CLNK: variants seen among roughly 807,000 people sequenced by gnomAD.
The protein encoded by CLNK is cytokine-dependent hematopoietic cell linker.
CLNK carries 74 observed loss-of-function variants against 68.6 expected under a neutral mutation model. That is an observed-to-expected ratio of 1.08 (90% confidence interval 0.89 to 1.31). The LOEUF (loss-of-function observed/expected upper bound fraction) is 1.31. Ranked by LOEUF, CLNK falls within the 50% of genes most tolerant of loss-of-function variation. The pLI, the probability that CLNK is intolerant of heterozygous loss-of-function variation, is 0.00. For synonymous variants in CLNK, 198 were observed against 172.2 expected (o/e 1.15, Z -1.17); for missense variants, 553 against 515.3 (o/e 1.07, Z -0.71).
At chr4:10,623,369 C>A (rs1411707726) in intron 2 of CLNK, among the ~76,000 whole-genome samples, 2 of 152,190 alleles carry the variant, frequency 1.3e-5, no homozygotes, top group African/African-American at 4.8e-5. Context: ...TCTCTTTCAA[C>A]AAATGTTTGT....
the CLNK span, among the ~76,000 whole-genome samples, chr4:10,726,753 T>C: frequency 2.6e-5 from 4 of 152,180 alleles, no homozygotes; most frequent in African/African-American, 9.7e-5. Flanking sequence ...GGGAAAGACA[T>C]GCCCCTCCAC....
chr4:10,624,186 A>G (rs930632843), intron 2 of CLNK, among the ~76,000 whole-genome samples: 1 of 152,244 alleles, frequency 6.6e-6, no homozygotes, highest in Non-Finnish European at 1.5e-5. Flanking sequence ...GGTAAGCACT[A>G]GTGTGCTTTG....
chr4:10,726,464 C>A, the CLNK span, among the ~76,000 whole-genome samples: 1 of 152,036 alleles, frequency 6.6e-6, no homozygotes, highest in Non-Finnish European at 1.5e-5. Context: ...GTAAGGACAC[C>A]AGTTATAGTG....
rs1413091954 is a variant in CLNK, at chr4:10,489,877, AG to A, written c.*589del. 1.3e-5 allele frequency: 2 copies of A among 152,200 alleles called. No homozygotes were observed. Among genetic ancestry groups the A allele is most frequent in the Admixed American group, 1.3e-4 (2 of 15,246 alleles). The allele number at this position is 152,200 out of a possible 1,614,324, so 9.4% of individuals were successfully genotyped here. A position where few individuals can be genotyped will look rare whatever the true frequency, so the allele number is the denominator to read the frequency against. ...GACATGGGGTTTCACCATGTTAGCC[AG>A]GATGGTCTTGATCTCCTGACCTCGT... On this transcript the variant is annotated 3_prime_UTR_variant, in exon 19 of 19. Transcript: ENST00000226951.
intron 1 of CLNK, among the ~76,000 whole-genome samples, chr4:10,673,821 A>G (rs1478753929): frequency 6.6e-6 from 1 of 151,692 alleles, no homozygotes; most frequent in Non-Finnish European, 1.5e-5. Flanking sequence ...TCTTTCTCCA[A>G]CAGGTCTTAC....
chr4:10,638,650 CTA>C (rs1406870825), intron 2 of CLNK, among the ~76,000 whole-genome samples: 1 of 152,196 alleles, frequency 6.6e-6, no homozygotes, highest in Non-Finnish European at 1.5e-5. Flanking sequence ...TGAATTAAAG[CTA>C]GAGTTGCCCA....
At chr4:10,504,414 G>T (rs1306568664) in intron 17 of CLNK, among the ~76,000 whole-genome samples, 1 of 151,746 alleles carries the variant, frequency 6.6e-6, no homozygotes, top group Non-Finnish European at 1.5e-5. Context: ...GCCACTGCGT[G>T]CCCCGCCATA....
At chr4:10,531,910 T>C (rs1167505062) in intron 12 of CLNK, among the ~76,000 whole-genome samples, 2 of 152,212 alleles carry the variant, frequency 1.3e-5, no homozygotes, top group East Asian at 1.9e-4. Context: ...GAAGGACAAA[T>C]AGCAAAGTGC....
At chr4:10,672,710 T>A (rs978863075) in intron 1 of CLNK, among the ~76,000 whole-genome samples, 1 of 152,218 alleles carries the variant, frequency 6.6e-6, no homozygotes, top group African/African-American at 2.4e-5. Flanking sequence ...TTCAATTGTT[T>A]TAGGGAAAAG....
rs1015765359 is a variant in CLNK at position 10,535,731 on chromosome 4, T to A, written c.603-3448A>T. Among the ~76,000 whole-genome samples, 12 of 152,212 alleles carry A rather than the reference T, an allele frequency of 7.9e-5. No homozygotes were observed. The East Asian group carries it at 2.3e-3, about 29-fold the overall frequency. ...TAATATTTGCTTACCTTCCCTTTTA[T>A]CAGAGGTAAAATTCCCCAGAGCTCA... is the stretch of plus-strand genomic sequence containing the variant. On this transcript the variant is annotated intron_variant, in intron 11 of 18. Transcript: ENST00000226951.
chr4:10,497,742 C>T (rs895659272), intron 18 of CLNK, among the ~76,000 whole-genome samples: 1 of 152,204 alleles, frequency 6.6e-6, no homozygotes, highest in Non-Finnish European at 1.5e-5. Context: ...AAATGATGTT[C>T]ATTAATATGT....
At chr4:10,624,001 A>G (rs2720361) in intron 2 of CLNK, among the ~76,000 whole-genome samples, 104,048 of 152,174 alleles carry the variant, frequency 0.68, 36,527 homozygotes, top group East Asian at 0.77. Flanking sequence ...CGTGAAACAT[A>G]CATTCCTGTG....
At chr4:10,731,210 T>C in the CLNK span, among the ~76,000 whole-genome samples, 2 of 152,248 alleles carry the variant, frequency 1.3e-5, no homozygotes, top group African/African-American at 4.8e-5. Context: ...ATTAACCAAC[T>C]TCTCCAGAAA....
At chr4:10,653,982 T>C (rs1459303804) in intron 2 of CLNK, among the ~76,000 whole-genome samples, 1 of 149,744 alleles carries the variant, frequency 6.7e-6, no homozygotes, top group Non-Finnish European at 1.5e-5. Flanking sequence ...GCTGAAAATC[T>C]TCCCTCAAGG....
chr4:10,641,805 G>T (rs61796795), intron 2 of CLNK, among the ~76,000 whole-genome samples: 4 of 151,940 alleles, frequency 2.6e-5, no homozygotes, highest in East Asian at 1.9e-4. Context: ...GGAGGGACCC[G>T]GTTGGAGATA....
intron 8 of CLNK, among the ~76,000 whole-genome samples, chr4:10,542,678 GTGTGTATA>G (rs1436366775): frequency 6.6e-4 from 98 of 149,174 alleles, no homozygotes; most frequent in African/African-American, 2.3e-3. Context: ...GTGTGTGTGT[GTGTGTATA>G]TATATATATA....
intron 2 of CLNK, among the ~76,000 whole-genome samples, chr4:10,656,030 C>A (rs1194073950): frequency 6.6e-6 from 1 of 152,036 alleles, no homozygotes; most frequent in Non-Finnish European, 1.5e-5. Flanking sequence ...GATCCCCAAA[C>A]TCCTCCACAC....
At chr4:10,574,209 T>A (rs954008364) in intron 4 of CLNK, among the ~76,000 whole-genome samples, 60 of 152,296 alleles carry the variant, frequency 3.9e-4, no homozygotes, top group African/African-American at 1.4e-3. Flanking sequence ...AGGTGCCCTG[T>A]GTGGCCCCCA....
the CLNK span, among the ~76,000 whole-genome samples, chr4:10,701,819 G>C: frequency 6.6e-6 from 1 of 152,300 alleles, no homozygotes; most frequent in African/African-American, 2.4e-5. Context: ...GTGAAATCCA[G>C]GTAGACAGAC....
Sources: gnomAD v4.1 joint callset for allele counts (sites outside exome capture counted in the v4.1 genomes callset) on GRCh38, gnomAD v4.1.1 for gene constraint, MANE v1.5 for transcripts, NCBI Gene and HGNC (gene_info 2026-07-23, HGNC 2026-07-21) for gene names.